The following FLVCR2 variants were observed in gnomAD, a reference collection of about 807,000 sequenced individuals.
The protein encoded by FLVCR2 is FLVCR choline and putative heme transporter 2.
FLVCR2 carries 38 observed loss-of-function variants against 48.9 expected under a neutral mutation model. The observed-to-expected ratio is 0.78, with a 90% CI of 0.60 to 1.02. The LOEUF (loss-of-function observed/expected upper bound fraction) is 1.02, where lower values mean the gene tolerates loss of function less well. FLVCR2 is among the 50% of genes least tolerant of loss of function. FLVCR2 has a pLI of 0.00. For missense variants in FLVCR2, 664 were observed against 663.3 expected, an observed-to-expected ratio of 1.00 and a Z score of -0.01; for synonymous variants, 255 against 257.0, an observed-to-expected ratio of 0.99 and a Z score of 0.07.
chr14:75,640,820 G>T (rs1033991094), intron 6 of FLVCR2, 135 bp from the exon 7 acceptor site: 1 of 721,576 alleles, frequency 1.4e-6, no homozygotes, highest in Admixed American at 2.0e-5. Flanking sequence ...AGGATGCCCA[G>T]ATCATTAGAG....
intron 1 of FLVCR2, among the ~76,000 whole-genome samples, chr14:75,620,168 C>T (rs950260666): frequency 6.6e-6 from 1 of 152,072 alleles, no homozygotes; most frequent in Non-Finnish European, 1.5e-5. Flanking sequence ...TGCATTTGCC[C>T]CTCTGCTTGT....
intron 6 of FLVCR2, 149 bp from the exon 7 acceptor site, chr14:75,640,806 A>T (rs906980065): frequency 1.6e-5 from 11 of 702,798 alleles, no homozygotes; most frequent in African/African-American, 1.2e-4. Context: ...GTATGATCAC[A>T]TAGAGGATGC....
intron 3 of FLVCR2, among the ~76,000 whole-genome samples, chr14:75,633,347 A>G (rs1418336863): frequency 6.6e-6 from 1 of 152,156 alleles, no homozygotes; most frequent in East Asian, 1.9e-4. Flanking sequence ...TGGGAGTAAT[A>G]CTCAACAGAA....
chr14:75,588,587 T>C (rs945024706), intron 1 of FLVCR2, among the ~76,000 whole-genome samples: 1 of 152,186 alleles, frequency 6.6e-6, no homozygotes, highest in Non-Finnish European at 1.5e-5. Context: ...ATTCAAGCAA[T>C]TCTGCCTCAG....
intron 1 of FLVCR2, among the ~76,000 whole-genome samples, chr14:75,610,754 G>T (rs1321473242): frequency 6.6e-6 from 1 of 151,690 alleles, no homozygotes; most frequent in Non-Finnish European, 1.5e-5. Context: ...GAAGTTGATT[G>T]GTCTGCATTC....
At chr14:75,599,493 G>A (rs4380008) in intron 1 of FLVCR2, among the ~76,000 whole-genome samples, 6,102 of 152,206 alleles carry the variant, frequency 0.04, 229 homozygotes, top group Admixed American at 0.11. Context: ...CTGTGTTTAC[G>A]GATTGGAAGA....
Position 75,602,336 on chromosome 14 carries a change from G to A in FLVCR2, c.670-19743G>A, listed in dbSNP as rs1433625695. 3.9e-5 allele frequency among the ~76,000 whole-genome samples: 6 copies of A among 152,162 alleles called. No homozygotes were observed. The South Asian group carries it at 6.2e-4, about 16-fold the overall frequency. ...CCCCCTTCTGAGGCTACCTAGGAGCGCTACCTATGTTGCCTCATTAGCATA... is the reference window on the plus strand; with the variant it reads ...CCCCCTTCTGAGGCTACCTAGGAGCACTACCTATGTTGCCTCATTAGCATA... On this transcript the variant is annotated intron_variant, in intron 1 of 9. Coordinates refer to ENST00000238667, the MANE Select transcript of FLVCR2 (RefSeq NM_017791.3).
At chr14:75,587,546 A>T (rs1056873318) in intron 1 of FLVCR2, among the ~76,000 whole-genome samples, 4 of 152,170 alleles carry the variant, frequency 2.6e-5, no homozygotes, top group Non-Finnish European at 5.9e-5. Context: ...GAAACCAGTG[A>T]ATCCAGAGCT....
At chr14:75,645,033 G>GGGGGGT (rs1433999747) in intron 9 of FLVCR2, among the ~76,000 whole-genome samples, 96 of 13,070 alleles carry the variant, frequency 7.3e-3, no homozygotes, top group African/African-American at 0.012. Context: ...AGGCGGGCGT[G>GGGGGGT]GTGTGTGTGT....
chr14:75,581,611 G>A (rs371855637), intron 1 of FLVCR2, among the ~76,000 whole-genome samples: 2 of 152,316 alleles, frequency 1.3e-5, no homozygotes, highest in Non-Finnish European at 2.9e-5. Flanking sequence ...AGAAATGACC[G>A]CAGTGGCCTT....
At chr14:75,643,107 CA>C (rs1168974223) in intron 9 of FLVCR2, among the ~76,000 whole-genome samples, 2 of 152,230 alleles carry the variant, frequency 1.3e-5, no homozygotes, top group Non-Finnish European at 2.9e-5. Context: ...AATGACCCAC[CA>C]ATCTTGGCCT....
chr14:75,641,110 A>G (rs1360237813), intron 7 of FLVCR2, 50 bp downstream of exon 7: 1 of 1,559,354 alleles, frequency 6.4e-7, no homozygotes, highest in East Asian at 2.2e-5. Flanking sequence ...GCATTGCATC[A>G]TGGCAGCTCA....
intron 2 of FLVCR2, among the ~76,000 whole-genome samples, chr14:75,623,665 G>A (rs1014854260): frequency 6.6e-6 from 1 of 151,888 alleles, no homozygotes; most frequent in South Asian, 2.1e-4. Flanking sequence ...GTTCTCTGTG[G>A]TATGTTATTT....
At position 75,634,984 on chromosome 14, in the gene FLVCR2, A is replaced by C. The variant is rs1341517042; in HGVS notation, c.1095A>C (p.Gly365=). The C allele has an allele frequency of 6.2e-7, 1 of 1,613,818 alleles. No individual in the cohort carries two copies. Among genetic ancestry groups the C allele is most frequent in the South Asian group, 1.1e-5 (1 of 91,066 alleles). ...GAATGCTTGGGGCTGTGATCTCAGG[A>C]ATCTGGCTGGATAGGTCCAAAACCT... The part of the protein sequence containing the change: ...IAGMLGAVIS[G]IWLDRSKTYK... The change falls in exon 5 of 10, where the codon GGA becomes GGC. Residue 365 remains glycine, a synonymous_variant. Transcript: ENST00000238667.
At chr14:75,594,271 G>C (rs1226631560) in intron 1 of FLVCR2, among the ~76,000 whole-genome samples, 3 of 151,984 alleles carry the variant, frequency 2.0e-5, no homozygotes, top group African/African-American at 4.8e-5. Flanking sequence ...GAAGCTTTAG[G>C]CTCTTCTTAA....
Position 75,633,418 on chromosome 14 carries a change from T to C in FLVCR2, c.953-211T>C, listed in dbSNP as rs141239735. On this transcript the variant is annotated intron_variant, in intron 3 of 9. Transcript: ENST00000238667. Reference sequence around the variant, plus strand: ...CAATAGTGTGTGGCTAAGGGAAGGTTAAATGGTTACTTTTGGTTGTTTTGA... The same window carrying C: ...CAATAGTGTGTGGCTAAGGGAAGGTCAAATGGTTACTTTTGGTTGTTTTGA... 9.8e-5 allele frequency among the ~76,000 whole-genome samples: 15 copies of C among 152,310 alleles called. No individual in the cohort carries two copies. The East Asian group carries it at 2.7e-3, about 27-fold the overall frequency.
At position 75,646,419 on chromosome 14, in the gene FLVCR2, G is replaced by A; in HGVS notation, c.1528G>A (p.Glu510Lys). 1.9e-6 allele frequency: 3 copies of A among 1,613,878 alleles called. No homozygotes were observed. The highest frequency in any genetic ancestry group is 2.5e-6 in the Non-Finnish European group (3 of 1,179,816). Residue 510 changes from glutamate (E) to lysine (K), a missense_variant, in exon 10 of 10, where the codon GAG becomes AAG. Transcript: ENST00000238667. ...TLENKLQEEE[E>K]ESNTSKVPTA... ...TTTATAGAAACTCCAAGAGGAGGAGGAGGAGAGCAACACCAGCAAAGTGCC... is the reference window on the plus strand; with the variant it reads ...TTTATAGAAACTCCAAGAGGAGGAGAAGGAGAGCAACACCAGCAAAGTGCC...
intron 6 of FLVCR2, 160 bp from the exon 7 acceptor site, chr14:75,640,795 G>A (rs1890291387): frequency 1.6e-5 from 11 of 687,800 alleles, no homozygotes; most frequent in South Asian, 1.5e-4. Flanking sequence ...CCGTCTCCTT[G>A]GTATGATCAC....
At chr14:75,580,423 C>G (rs923994483) in intron 1 of FLVCR2, among the ~76,000 whole-genome samples, 4 of 152,248 alleles carry the variant, frequency 2.6e-5, no homozygotes, top group Non-Finnish European at 4.4e-5. Flanking sequence ...TTTAGCCAGA[C>G]CACTGCCTCC....
Sources: allele counts gnomAD v4.1 joint callset (sites outside exome capture counted in the v4.1 genomes callset), GRCh38; gene constraint gnomAD v4.1.1; transcripts MANE v1.5; gene names NCBI Gene and HGNC (gene_info 2026-07-23, HGNC 2026-07-21).